Variants in MYO10 observed in about 807,000 individuals in gnomAD.
The protein encoded by MYO10 is myosin X, also known as unconventional myosin-X.
MYO10 carries 133 observed loss-of-function variants against 257.3 expected under a neutral mutation model. That is an observed-to-expected ratio of 0.52 (90% confidence interval 0.45 to 0.60). MYO10 has a LOEUF of 0.60. Among genes scored for constraint, MYO10 ranks in the 20% least tolerant of loss-of-function variants. MYO10 has a pLI of 0.00. For missense variants in MYO10, 2,399 were observed against 2,635.7 expected (o/e 0.91, Z 1.97); for synonymous variants, 1,104 against 1,028.6 (o/e 1.07, Z -1.40).
chr5:16,878,952 A>C (rs571124936), intron 1 of MYO10, among the ~76,000 whole-genome samples: 1 of 152,004 alleles, frequency 6.6e-6, no homozygotes, highest in East Asian at 1.9e-4. Flanking sequence ...ATGTAACTAA[A>C]CACCACCTGT....
chr5:16,774,583 G>A (rs1247500864), intron 9 of MYO10, among the ~76,000 whole-genome samples: 8 of 151,842 alleles, frequency 5.3e-5, no homozygotes, highest in Middle Eastern at 6.8e-3. Context: ...CACCACACCC[G>A]GCTAATTTTG....
In MYO10 at chr5:16,792,264, C is replaced by T. The variant is rs560055675; in HGVS notation, c.467+2382G>A. The stretch of plus-strand genomic sequence containing the variant: ...AAAAAAGGAACTACAAAAAAGATAA[C>T]GGGTAAAAACTGCCAGTGAGAAGAA... On this transcript the variant is annotated intron_variant, in intron 4 of 40. Coordinates refer to ENST00000513610, the MANE Select transcript of MYO10 (RefSeq NM_012334.3). Among the ~76,000 whole-genome samples, 15 of 150,604 alleles carry T rather than the reference C, an allele frequency of 1.0e-4. No individual in the cohort carries two copies. In the South Asian group the frequency reaches 2.3e-3, roughly 23 times the overall value.
At chr5:16,734,603 G>A (rs1378858872) in intron 19 of MYO10, among the ~76,000 whole-genome samples, 7 of 152,058 alleles carry the variant, frequency 4.6e-5, no homozygotes, top group East Asian at 1.9e-4. Flanking sequence ...TCAGGAGTTC[G>A]AGACCAGCCT....
chr5:16,928,600 C>T (rs941939487), intron 1 of MYO10, among the ~76,000 whole-genome samples: 1 of 152,072 alleles, frequency 6.6e-6, no homozygotes, highest in African/African-American at 2.4e-5. Flanking sequence ...AATCCCAGCA[C>T]TTTGGGAGGC....
chr5:16,856,660 C>T (rs1743968912), intron 2 of MYO10, among the ~76,000 whole-genome samples: 1 of 152,098 alleles, frequency 6.6e-6, no homozygotes, highest in Non-Finnish European at 1.5e-5. Flanking sequence ...CAGATGGGGC[C>T]TCTTGTCTTA....
At chr5:16,668,587 T>TGTGC in intron 39 of MYO10, 119 bp from the exon 40 acceptor site, 1 of 713,158 alleles carries the variant, frequency 1.4e-6, no homozygotes, top group East Asian at 2.9e-5. Context: ...ATATATTCGA[T>TGTGC]GTGCATGCAT....
At chr5:16,801,103 T>A (rs1407736207) in intron 3 of MYO10, among the ~76,000 whole-genome samples, 1 of 152,154 alleles carries the variant, frequency 6.6e-6, no homozygotes, top group Non-Finnish European at 1.5e-5. Flanking sequence ...AACTGAACCA[T>A]GAGTTGAACT....
intron 2 of MYO10, among the ~76,000 whole-genome samples, chr5:16,875,063 T>C (rs898107356): frequency 6.6e-6 from 1 of 152,080 alleles, no homozygotes; most frequent in Non-Finnish European, 1.5e-5. Context: ...TGGGAAAGAC[T>C]AGCCCCCGTG....
intron 2 of MYO10, among the ~76,000 whole-genome samples, chr5:16,826,603 G>A (rs990145775): frequency 6.6e-6 from 1 of 152,210 alleles, no homozygotes; most frequent in Non-Finnish European, 1.5e-5. Context: ...CGGGCAAAGG[G>A]AGGCTGCGTG....
intron 1 of MYO10, among the ~76,000 whole-genome samples, chr5:16,935,375 G>A (rs901605914): frequency 2.0e-5 from 3 of 152,162 alleles, no homozygotes; most frequent in African/African-American, 7.2e-5. Context: ...GTTTTGCAAA[G>A]GAAATACCAG....
At chr5:16,902,613 C>T (rs1056256977) in intron 1 of MYO10, 53 of 1,540,328 alleles carry the variant, frequency 3.4e-5, no homozygotes, top group Middle Eastern at 1.7e-4. Context: ...CTTTTTGGCA[C>T]GACCATTGTT....
chr5:16,886,899 T>C (rs1235951607), intron 1 of MYO10, among the ~76,000 whole-genome samples: 2 of 140,034 alleles, frequency 1.4e-5, no homozygotes, highest in Non-Finnish European at 3.0e-5. Flanking sequence ...GCCACTGCAC[T>C]CCAGCATGGG....
chr5:16,837,502 A>G (rs1325669044), intron 2 of MYO10, among the ~76,000 whole-genome samples: 1 of 152,174 alleles, frequency 6.6e-6, no homozygotes, highest in East Asian at 1.9e-4. Context: ...GCTAACAGGT[A>G]CAAGGTTTTC....
chr5:16,711,116 C>G lies in MYO10; in HGVS notation c.2054+5G>C, dbSNP rs1164161262. On this transcript the variant is annotated splice_donor_5th_base_variant and intron_variant, in intron 20 of 40. Coordinates refer to ENST00000513610, the MANE Select transcript of MYO10 (RefSeq NM_012334.3). ...GAAAGAGAATCCAATTCAGCTCCCTCTTGCCTTTTGTAAAAGTCCTGAAAG... is the reference window on the plus strand; with the variant it reads ...GAAAGAGAATCCAATTCAGCTCCCTGTTGCCTTTTGTAAAAGTCCTGAAAG... 1 of 1,613,784 alleles carries G rather than the reference C, an allele frequency of 6.2e-7. No homozygotes were observed. Among genetic ancestry groups the G allele is most frequent in the Non-Finnish European group, 8.5e-7 (1 of 1,179,802 alleles).
At chr5:16,730,752 C>G (rs1260818378) in intron 19 of MYO10, among the ~76,000 whole-genome samples, 1 of 152,156 alleles carries the variant, frequency 6.6e-6, no homozygotes, top group Non-Finnish European at 1.5e-5. Flanking sequence ...AGCTAAATGC[C>G]TAGACAACCT....
chr5:16,876,624 G>GGCTCACTGCAACCTCC (rs764628439), intron 2 of MYO10, among the ~76,000 whole-genome samples: 3 of 152,044 alleles, frequency 2.0e-5, no homozygotes, highest in Non-Finnish European at 2.9e-5. Flanking sequence ...GTGCAATCTC[G>GGCTCACTGCAACCTCC]GCTCACTGCA....
At chr5:16,682,962 G>A (rs1363324939) in intron 30 of MYO10, among the ~76,000 whole-genome samples, 3 of 152,038 alleles carry the variant, frequency 2.0e-5, no homozygotes, top group Non-Finnish European at 4.4e-5. Flanking sequence ...AGAAGGTAAG[G>A]TAGAAACTCA....
At chr5:16,874,891 A>G (rs1744555976) in intron 2 of MYO10, among the ~76,000 whole-genome samples, 1 of 152,204 alleles carries the variant, frequency 6.6e-6, no homozygotes, top group Admixed American at 6.5e-5. Context: ...ATGAGGTTTA[A>G]TTGGACTTAC....
Position 16,709,681 on chromosome 5 carries a change from G to T in MYO10, c.2169+1227C>A, listed in dbSNP as rs544807235. 2.0e-5 allele frequency among the ~76,000 whole-genome samples: 3 copies of T among 152,292 alleles called. No individual in the cohort carries two copies. The South Asian group carries it at 6.2e-4, about 32-fold the overall frequency. On this transcript the variant is annotated intron_variant, in intron 21 of 40. Coordinates refer to ENST00000513610, the MANE Select transcript of MYO10 (RefSeq NM_012334.3). ...AGATACAGGGACTGCAGGCTTGGGGGACCCTGATCAGAGGACCCAGCTCAG... is the reference window on the plus strand; with the variant it reads ...AGATACAGGGACTGCAGGCTTGGGGTACCCTGATCAGAGGACCCAGCTCAG...
Sources: allele counts gnomAD v4.1 joint callset (sites outside exome capture counted in the v4.1 genomes callset), GRCh38; gene constraint gnomAD v4.1.1; transcripts MANE v1.5; gene names NCBI Gene and HGNC (gene_info 2026-07-23, HGNC 2026-07-21).